TAFA5: variants seen among roughly 807,000 people sequenced by gnomAD.
TAFA5 encodes TAFA chemokine like family member 5, also known as chemokine-like protein TAFA-5.
TAFA5 carries 6 observed loss-of-function variants against 15.3 expected under a neutral mutation model. That is an observed-to-expected ratio of 0.39 (90% CI 0.21 to 0.77). The LOEUF (loss-of-function observed/expected upper bound fraction) is 0.77, where lower values mean the gene tolerates loss of function less well. Ranked by LOEUF, TAFA5 falls within the 30% of genes least tolerant of loss-of-function variation. The pLI, the probability that TAFA5 is intolerant of heterozygous loss-of-function variation, is 0.41. For missense variants in TAFA5, 161 were observed against 193.1 expected, an observed-to-expected ratio of 0.83 and a Z score of 0.98; for synonymous variants, 103 against 80.7, an observed-to-expected ratio of 1.28 and a Z score of -1.48.
At chr22:48,581,991 A>G (rs982412800) in intron 1 of TAFA5, among the ~76,000 whole-genome samples, 4 of 152,072 alleles carry the variant, frequency 2.6e-5, no homozygotes, top group Non-Finnish European at 5.9e-5. Context: ...GGAACATGGG[A>G]CTGTTCGCTC....
chr22:48,503,441 A>G (rs1013712968), intron 1 of TAFA5, among the ~76,000 whole-genome samples: 17 of 152,218 alleles, frequency 1.1e-4, no homozygotes, highest in African/African-American at 4.1e-4. Flanking sequence ...GAACTTGGGA[A>G]GGTTTCAGAA....
chr22:48,636,946 G>A (rs906539700), intron 1 of TAFA5, among the ~76,000 whole-genome samples: 1 of 152,216 alleles, frequency 6.6e-6, no homozygotes, highest in African/African-American at 2.4e-5. Context: ...CCAGGGCTCT[G>A]GACCCTCCTG....
intron 1 of TAFA5, among the ~76,000 whole-genome samples, chr22:48,496,689 C>T (rs1478919661): frequency 1.3e-5 from 2 of 152,246 alleles, no homozygotes; most frequent in South Asian, 2.1e-4. Context: ...TCGTTTAGGG[C>T]GCTGTGTGGT....
At chr22:48,638,386 C>T (rs1169553582) in intron 1 of TAFA5, among the ~76,000 whole-genome samples, 22 of 109,342 alleles carry the variant, frequency 2.0e-4, no homozygotes, top group African/African-American at 6.5e-4. Context: ...CCTGGGACAC[C>T]GCACACAGGG....
At chr22:48,650,834 G>A (rs963430795) in intron 2 of TAFA5, among the ~76,000 whole-genome samples, 2 of 151,516 alleles carry the variant, frequency 1.3e-5, no homozygotes. Context: ...TCTGAGGCAG[G>A]CACCCAGGTG....
rs925075904 is a variant in TAFA5 at position 48,552,058 on chromosome 22, C to A, written c.112+62354C>A. Among the ~76,000 whole-genome samples the A allele has an allele frequency of 1.3e-5, 2 of 152,254 alleles. No individual in the cohort carries two copies. Among genetic ancestry groups the A allele is most frequent in the Non-Finnish European group, 2.9e-5 (2 of 68,042 alleles). ...CTGTCCTCCCGGCAGGAAGCGTCCT[C>A]CAGTGCTCCCTCTGCTGTGCTCTGT... is the stretch of plus-strand genomic sequence containing the variant. On this transcript the variant is annotated intron_variant, in intron 1 of 3. Coordinates refer to ENST00000402357, the MANE Select transcript of TAFA5 (RefSeq NM_001082967.3). The surrounding 1 kb of genome is among the most constrained non-coding windows in gnomAD (Gnocchi z 4.1).
intron 2 of TAFA5, among the ~76,000 whole-genome samples, chr22:48,673,131 CGTT>C (rs1378506951): frequency 6.6e-6 from 1 of 152,150 alleles, no homozygotes; most frequent in South Asian, 2.1e-4. Context: ...ATATCGGTCT[CGTT>C]GTTCAAGTTC....
rs532183309 is a variant in TAFA5 at position 48,650,703 on chromosome 22, C to T, written c.262+3957C>T. 1.1e-4 allele frequency among the ~76,000 whole-genome samples: 17 copies of T among 152,272 alleles called. 1 individual carries two copies. The South Asian group carries it at 2.5e-3, about 22-fold the overall frequency. On this transcript the variant is annotated intron_variant, in intron 2 of 3. Coordinates refer to ENST00000402357, the MANE Select transcript of TAFA5 (RefSeq NM_001082967.3). ...GGCTGTGAGCCTGTGCACCTGCATG[C>T]GAGATCCAACTTACGGAACCATCAG...
Position 48,749,911 on chromosome 22 carries a change from C to T in TAFA5, c.*64C>T. On this transcript the variant is annotated 3_prime_UTR_variant, in exon 4 of 4. Coordinates refer to ENST00000402357, the MANE Select transcript of TAFA5 (RefSeq NM_001082967.3). ...CTCCCTGGAGAGCCCACGTCTCAGC[C>T]ACAGTTCTCCACTCGCCTCGGACTT... 5 of 1,422,320 alleles carry T rather than the reference C, an allele frequency of 3.5e-6. No individual in the cohort carries two copies. Among genetic ancestry groups the T allele is most frequent in the Non-Finnish European group, 4.8e-6 (5 of 1,031,650 alleles). The allele number at this position is 1,422,320 out of a possible 1,614,324, so 88.1% of individuals were successfully genotyped here.
chr22:48,642,441 A>C (rs1343651363), intron 1 of TAFA5, among the ~76,000 whole-genome samples: 1 of 151,460 alleles, frequency 6.6e-6, no homozygotes, highest in African/African-American at 2.4e-5. Context: ...TCCCTTCTGA[A>C]CCCCCCTTTC....
At chr22:48,726,780 T>C (rs1036414468) in intron 3 of TAFA5, among the ~76,000 whole-genome samples, 1 of 152,218 alleles carries the variant, frequency 6.6e-6, no homozygotes, top group Non-Finnish European at 1.5e-5. Flanking sequence ...GCAGTTTATA[T>C]GGCATTTTCA....
At chr22:48,638,233 A>C (rs1215486125) in intron 1 of TAFA5, among the ~76,000 whole-genome samples, 1 of 150,880 alleles carries the variant, frequency 6.6e-6, no homozygotes, top group Admixed American at 6.6e-5. Context: ...CACGTGTCTT[A>C]GACCCCCGAC....
chr22:48,583,879 TACAC>T (rs1053422429), intron 1 of TAFA5, among the ~76,000 whole-genome samples: 13 of 132,396 alleles, frequency 9.8e-5, no homozygotes, highest in Middle Eastern at 6.0e-3. Context: ...CGCAACATCA[TACAC>T]ACACGCCACA....
At chr22:48,661,237 G>A (rs1927428084) in intron 2 of TAFA5, among the ~76,000 whole-genome samples, 1 of 152,228 alleles carries the variant, frequency 6.6e-6, no homozygotes, top group Non-Finnish European at 1.5e-5. Context: ...TCCCACCAGA[G>A]CGCAGAGAGG....
chr22:48,749,901 A>C lies in TAFA5; in HGVS notation c.*54A>C, dbSNP rs1601716134. Reference sequence around the variant, plus strand: ...GTGGCCTTGGCTCCCTGGAGAGCCCACGTCTCAGCCACAGTTCTCCACTCG... The same window carrying C: ...GTGGCCTTGGCTCCCTGGAGAGCCCCCGTCTCAGCCACAGTTCTCCACTCG... On this transcript the variant is annotated 3_prime_UTR_variant, in exon 4 of 4. Coordinates refer to ENST00000402357, the MANE Select transcript of TAFA5 (RefSeq NM_001082967.3). 6.6e-7 allele frequency: 1 copy of C among 1,514,140 alleles called. No individual in the cohort carries two copies. The highest frequency in any genetic ancestry group is 9.0e-7 in the Non-Finnish European group (1 of 1,114,244). The allele number at this position is 1,514,140 out of a possible 1,614,324, so 93.8% of individuals were successfully genotyped here.
At chr22:48,674,387 TG>T (rs1927902394) in intron 2 of TAFA5, among the ~76,000 whole-genome samples, 1 of 152,244 alleles carries the variant, frequency 6.6e-6, no homozygotes. Flanking sequence ...ATGGTTTGGC[TG>T]TGTGGACTGT....
chr22:48,613,869 A>G (rs1925500785), intron 1 of TAFA5, among the ~76,000 whole-genome samples: 1 of 152,162 alleles, frequency 6.6e-6, no homozygotes, highest in Admixed American at 6.5e-5. Flanking sequence ...ACAGCTGCAC[A>G]GAGTCTCCAG....
chr22:48,575,569 G>T (rs1423513088), intron 1 of TAFA5, among the ~76,000 whole-genome samples: 1 of 145,780 alleles, frequency 6.9e-6, no homozygotes, highest in Non-Finnish European at 1.5e-5. Context: ...GGCGCGCAGC[G>T]TCGCCGGCCC....
intron 1 of TAFA5, among the ~76,000 whole-genome samples, chr22:48,567,222 G>A (rs775302363): frequency 1.3e-5 from 2 of 152,202 alleles, no homozygotes; most frequent in African/African-American, 4.8e-5. Context: ...AGGGGCAGGC[G>A]GAGCCCTCAC....
Sources: gnomAD v4.1 joint callset for allele counts (sites outside exome capture counted in the v4.1 genomes callset) on GRCh38, gnomAD v4.1.1 for gene constraint, Gnocchi (gnomAD v3.1) non-coding constraint, MANE v1.5 for transcripts, NCBI Gene and HGNC (gene_info 2026-07-23, HGNC 2026-07-21) for gene names.